DTNB: variants seen among roughly 807,000 people sequenced by gnomAD.
DTNB encodes the protein DTN-B.
DTNB carries 63 observed loss-of-function variants against 90.7 expected under a neutral mutation model. The ratio of observed to expected loss-of-function variants is 0.69; its 90% CI spans 0.57 to 0.86. DTNB has a LOEUF of 0.86. Ranked by LOEUF, DTNB falls within the 40% of genes least tolerant of loss-of-function variation. DTNB has a pLI of 0.00. For synonymous variants in DTNB, 277 were observed against 286.7 expected, an observed-to-expected ratio of 0.97 and a Z score of 0.34; for missense variants, 744 against 807.1, an observed-to-expected ratio of 0.92 and a Z score of 0.95.
Position 25,403,257 on chromosome 2 carries a change from G to A in DTNB, c.1576-14896C>T, listed in dbSNP as rs13383156. On this transcript the variant is annotated intron_variant, in intron 16 of 20. Transcript: ENST00000406818. ...CAGCCTCCAGAATAGCTGGGATTAC[G>A]GGCGCCCGCCACCACACCCCGCTAA... Among the ~76,000 whole-genome samples the A allele has an allele frequency of 6.3e-3, 960 of 152,176 alleles. 11 individuals are homozygous for A. The highest frequency in any genetic ancestry group is 0.021 in the African/African-American group (877 of 41,526).
intron 6 of DTNB, among the ~76,000 whole-genome samples, chr2:25,582,633 G>A (rs751973083): frequency 6.6e-5 from 10 of 152,140 alleles, no homozygotes; most frequent in Non-Finnish European, 1.2e-4. Context: ...ACTGGGGGGC[G>A]GGAGGAGCTG....
At chr2:25,633,301 TTGCAGGCGCGCGCCGCCAC>T (rs1436040292) in intron 3 of DTNB, among the ~76,000 whole-genome samples, 1 of 145,912 alleles carries the variant, frequency 6.9e-6, no homozygotes, top group Non-Finnish European at 1.5e-5. Context: ...GCGCCTGCCA[TTGCAGGCGCGCGCCGCCAC>T]GCCTGACTGG....
At chr2:25,448,121 GCACCTGC>G (rs1276130818) in intron 12 of DTNB, among the ~76,000 whole-genome samples, 1 of 151,812 alleles carries the variant, frequency 6.6e-6, no homozygotes, top group Non-Finnish European at 1.5e-5. Context: ...AATAGATCAG[GCACCTGC>G]TCTACACTTC....
rs2042703389 is a variant in DTNB, at chr2:25,397,532, A to T, written c.1576-9171T>A. On this transcript the variant is annotated intron_variant, in intron 16 of 20. Transcript: ENST00000406818. ...GAGTTTGCCTGGAAATGCCTAGATT[A>T]AGTGACCAGTTCAGACAGCGTAGGA... is the stretch of plus-strand genomic sequence containing the variant. Among the ~76,000 whole-genome samples the T allele has an allele frequency of 2.6e-5, 4 of 152,214 alleles. No individual in the cohort carries two copies. The South Asian group carries it at 8.3e-4, about 32-fold the overall frequency.
In DTNB at chr2:25,427,607, C is replaced by T. The variant is rs1242296521; in HGVS notation, c.1482G>A (p.Gln494=). 1 of 1,613,596 alleles carries T rather than the reference C, an allele frequency of 6.2e-7. No homozygotes were observed. Among genetic ancestry groups the T allele is most frequent in the Non-Finnish European group, 8.5e-7 (1 of 1,179,824 alleles). The change falls in exon 15 of 21, where the codon CAG becomes CAA. Residue 494 remains glutamine, a synonymous_variant. Transcript: ENST00000406818. The part of the protein sequence containing the change: ...LLRQRKDELE[Q]RMSALQESRR... ...TGCTCTCCTGCAGGGCCGACATCCT[C>T]TGCTCCAGTTCATCCTTCCTTTGCC...
chr2:25,634,415 C>T (rs1174886641), intron 3 of DTNB, among the ~76,000 whole-genome samples: 14 of 149,520 alleles, frequency 9.4e-5, no homozygotes, highest in Non-Finnish European at 1.8e-4. Flanking sequence ...GGCCACCCGC[C>T]CCGTCCGGGA....
chr2:25,518,587 ACT>A (rs1038899702), intron 9 of DTNB, among the ~76,000 whole-genome samples: 1 of 147,844 alleles, frequency 6.8e-6, no homozygotes, highest in African/African-American at 2.5e-5. Context: ...ACACACACAC[ACT>A]CACACTCACG....
intron 10 of DTNB, among the ~76,000 whole-genome samples, chr2:25,456,743 T>A (rs903606205): frequency 4.6e-5 from 7 of 152,002 alleles, no homozygotes; most frequent in Non-Finnish European, 7.4e-5. Context: ...ATTTTTGTAT[T>A]TTTAGTAGAG....
intron 16 of DTNB, among the ~76,000 whole-genome samples, chr2:25,404,226 C>T (rs186153829): frequency 5.5e-4 from 84 of 152,268 alleles, no homozygotes; most frequent in South Asian, 4.3e-3. Flanking sequence ...AACCAGCACA[C>T]CAAACGGGAT....
At chr2:25,454,656 G>A (rs1177387283) in intron 11 of DTNB, among the ~76,000 whole-genome samples, 3 of 151,928 alleles carry the variant, frequency 2.0e-5, no homozygotes, top group Admixed American at 6.6e-5. Context: ...CACTTTTTTC[G>A]GTATTAAATC....
intron 10 of DTNB, among the ~76,000 whole-genome samples, chr2:25,470,492 C>T (rs1046012641): frequency 3.3e-5 from 5 of 151,506 alleles, no homozygotes; most frequent in Admixed American, 6.6e-5. Context: ...TCTCCTGCCT[C>T]GGTCTCCCAA....
Position 25,533,667 on chromosome 2 carries a change from CT to C in DTNB, c.877-2071del, listed in dbSNP as rs777601921. 1.2e-4 allele frequency among the ~76,000 whole-genome samples: 18 copies of C among 152,360 alleles called. No homozygotes were observed. The South Asian group carries it at 3.3e-3, about 28-fold the overall frequency. On this transcript the variant is annotated intron_variant, in intron 8 of 20. Coordinates refer to ENST00000406818, the MANE Select transcript of DTNB (RefSeq NM_021907.5). ...CTTCCCACTCACGTTAAGTGATAAG[CT>C]GCTCACAGTTGACTCAAAATACACT...
intron 16 of DTNB, among the ~76,000 whole-genome samples, chr2:25,417,832 C>T (rs1310249122): frequency 6.6e-6 from 1 of 152,176 alleles, no homozygotes; most frequent in Non-Finnish European, 1.5e-5. Context: ...TCCTCTCCCT[C>T]CAACAGTCTC....
intron 1 of DTNB, among the ~76,000 whole-genome samples, chr2:25,672,425 G>A (rs2086223082): frequency 6.6e-6 from 1 of 152,052 alleles, no homozygotes; most frequent in Non-Finnish European, 1.5e-5. Flanking sequence ...TAGTCATGGA[G>A]CTTATTTCTA....
At chr2:25,572,415 C>A (rs1276557943) in intron 8 of DTNB, among the ~76,000 whole-genome samples, 1 of 150,592 alleles carries the variant, frequency 6.6e-6, no homozygotes, top group East Asian at 1.9e-4. Flanking sequence ...TGCAGTTAGC[C>A]GAGATCGCGC....
chr2:25,447,800 T>C (rs2058650751), intron 12 of DTNB, among the ~76,000 whole-genome samples: 2 of 152,042 alleles, frequency 1.3e-5, no homozygotes, highest in Non-Finnish European at 2.9e-5. Context: ...TGAGCCACCA[T>C]GCCCGGCCTA....
At chr2:25,446,072 T>C (rs1011965358) in intron 12 of DTNB, among the ~76,000 whole-genome samples, 2 of 152,196 alleles carry the variant, frequency 1.3e-5, no homozygotes, top group Non-Finnish European at 2.9e-5. Context: ...ATTACTCTTT[T>C]AGGATGAATC....
At position 25,673,535 on chromosome 2, in the gene DTNB, C is replaced by T. The variant is rs956424358; in HGVS notation, c.-151G>A. 2.0e-5 allele frequency: 3 copies of T among 149,338 alleles called. No individual in the cohort carries two copies. The highest frequency in any genetic ancestry group is 7.3e-5 in the African/African-American group (3 of 41,270). 9.3% of individuals were successfully genotyped at this position (149,338 alleles called of 1,614,324 possible). A position where few individuals can be genotyped will look rare whatever the true frequency, so the allele number is the denominator to read the frequency against. On this transcript the variant is annotated 5_prime_UTR_variant, in exon 1 of 21. Transcript: ENST00000406818. The stretch of plus-strand genomic sequence containing the variant: ...ACCCCCGCGGCGAACGTTCGCAGCG[C>T]CCGGCTCGCGCCGCTTCTCCGCCCG...
At position 25,388,236 on chromosome 2, in the gene DTNB, T is replaced by C; in HGVS notation, c.1701A>G (p.Gly567=). 6.3e-7 allele frequency: 1 copy of C among 1,599,540 alleles called. No individual in the cohort carries two copies. Among genetic ancestry groups the C allele is most frequent in the Non-Finnish European group, 8.5e-7 (1 of 1,173,482 alleles). Residue 567 remains glycine, a synonymous_variant, in exon 17 of 21, where the codon GGA becomes GGG. Transcript: ENST00000406818. ...AGGCCTCCTGCACGTCTCCCCCGAC[T>C]CCGCTCAGCGAGTCCTGCGGACAGT... The part of the protein sequence containing the change: ...PTHCPQDSLS[G]VGGDVQEAFA...
Sources: gnomAD v4.1 joint callset for allele counts (sites outside exome capture counted in the v4.1 genomes callset) on GRCh38, gnomAD v4.1.1 for gene constraint, MANE v1.5 for transcripts, NCBI Gene and HGNC (gene_info 2026-07-23, HGNC 2026-07-21) for gene names.